The following SGPL1 variants were observed in gnomAD, a reference collection of about 807,000 sequenced individuals.
The protein encoded by SGPL1 is sphingosine-1-phosphate lyase 1.
A neutral mutation model predicts 68.9 loss-of-function variants in SGPL1; 37 were observed. That is an observed-to-expected ratio of 0.54 (90% CI 0.41 to 0.71). The LOEUF (loss-of-function observed/expected upper bound fraction) is 0.71, where lower values mean the gene tolerates loss of function less well. Ranked by LOEUF, SGPL1 falls within the 30% of genes least tolerant of loss-of-function variation. The probability of loss-of-function intolerance (pLI) is 0.00; values close to 1 mark genes in which losing one functional copy is unlikely to be tolerated. For missense variants in SGPL1, 551 were observed against 704.6 expected, an observed-to-expected ratio of 0.78 and a Z score of 2.47; for synonymous variants, 236 against 248.5, an observed-to-expected ratio of 0.95 and a Z score of 0.47.
At chr10:70,831,865 C>G (rs1031883768) in intron 2 of SGPL1, among the ~76,000 whole-genome samples, 1 of 152,132 alleles carries the variant, frequency 6.6e-6, no homozygotes, top group Admixed American at 6.5e-5. Flanking sequence ...CTTCCTTCCT[C>G]CAGAATATGG....
In SGPL1 at chr10:70,877,230, C is replaced by T. The variant is rs1340026620; in HGVS notation, c.1602C>T (p.Asp534=). 3.1e-6 allele frequency: 5 copies of T among 1,614,160 alleles called. No individual in the cohort carries two copies. The highest frequency in any genetic ancestry group is 1.7e-5 in the Admixed American group (1 of 60,022). ...ATGGCATGGCCCAGACAACTGTTGA[C>T]AGGAATATGGTTGCAGAATTGTCCT... ...AIYGMAQTTV[D]RNMVAELSSV... The change falls in exon 15 of 15, where the codon GAC becomes GAT. Residue 534 remains aspartate, a synonymous_variant. Coordinates refer to ENST00000373202, the MANE Select transcript of SGPL1 (RefSeq NM_003901.4).
At chr10:70,817,170 C>G (rs375906263) in intron 2 of SGPL1, among the ~76,000 whole-genome samples, 1 of 152,188 alleles carries the variant, frequency 6.6e-6, no homozygotes, top group African/African-American at 2.4e-5. Flanking sequence ...CAGGCGCACG[C>G]CACCACGCCC....
intron 2 of SGPL1, among the ~76,000 whole-genome samples, chr10:70,823,953 G>A (rs1354280580): frequency 3.9e-5 from 6 of 152,136 alleles, no homozygotes; most frequent in Admixed American, 2.0e-4. Flanking sequence ...TAAATAAAAA[G>A]CAGTTTTGAT....
chr10:70,876,584 G>C lies in SGPL1; in HGVS notation c.1489G>C (p.Ala497Pro). The stretch of plus-strand genomic sequence containing the variant: ...ATTACTACACGCCCGGAAACGAGTA[G>C]CTATACAATTCCTAAAGGACATTCG... ...ITLLHARKRV[A>P]IQFLKDIRES... The change falls in exon 14 of 15, where the codon GCT becomes CCT. Residue 497 changes from alanine to proline, a missense_variant. By Grantham distance (27) the Ala-to-Pro change is conservative. Transcript: ENST00000373202. 1 of 1,612,638 alleles carries C rather than the reference G, an allele frequency of 6.2e-7. No individual in the cohort carries two copies. Among genetic ancestry groups the C allele is most frequent in the Non-Finnish European group, 8.5e-7 (1 of 1,178,720 alleles).
At chr10:70,863,289 C>CTTT (rs35676112) in intron 7 of SGPL1, among the ~76,000 whole-genome samples, 2 of 118,760 alleles carry the variant, frequency 1.7e-5, no homozygotes, top group Non-Finnish European at 3.4e-5. Context: ...GCTTGGCCGT[C>CTTT]TTTTTTTTTT....
rs142704440 is a variant in SGPL1, at chr10:70,870,381, C to T, written c.810+484C>T. Among the ~76,000 whole-genome samples the T allele has an allele frequency of 7.8e-3, 1,192 of 152,134 alleles. 7 individuals are homozygous for T. The highest frequency in any genetic ancestry group is 0.013 in the Non-Finnish European group (882 of 67,994). Reference sequence around the variant, plus strand: ...AAGTAGCTGGACATGGTGGCATGCACCTGTAGTCCTAGCTACTCGGGAGGC... The same window carrying T: ...AAGTAGCTGGACATGGTGGCATGCATCTGTAGTCCTAGCTACTCGGGAGGC... On this transcript the variant is annotated intron_variant, in intron 9 of 14. Coordinates refer to ENST00000373202, the MANE Select transcript of SGPL1 (RefSeq NM_003901.4).
At chr10:70,862,261 A>G (rs1846079611) in intron 7 of SGPL1, among the ~76,000 whole-genome samples, 1 of 152,028 alleles carries the variant, frequency 6.6e-6, no homozygotes, top group Non-Finnish European at 1.5e-5. Flanking sequence ...TTCTGAGTGC[A>G]CCAATCGACA....
At chr10:70,840,455 G>GGATA (rs1845697146) in intron 2 of SGPL1, among the ~76,000 whole-genome samples, 1 of 152,096 alleles carries the variant, frequency 6.6e-6, no homozygotes, top group Non-Finnish European at 1.5e-5. Flanking sequence ...CAAGGAGATA[G>GGATA]GATACCTTAT....
Position 70,863,023 on chromosome 10 carries a change from TG to T in SGPL1, c.615+3525del, listed in dbSNP as rs1352499267. On this transcript the variant is annotated intron_variant, in intron 7 of 14. Transcript: ENST00000373202. ...TTTTTGAGACAGGGTGTCACTCTGT[TG>T]CTCAGGCCAGAGTGTAGTGGTGCCA... 2.6e-5 allele frequency among the ~76,000 whole-genome samples: 4 copies of T among 152,296 alleles called. No homozygotes were observed. The East Asian group carries it at 7.7e-4, about 29-fold the overall frequency.
chr10:70,845,949 AG>A (rs1282955778), intron 3 of SGPL1, among the ~76,000 whole-genome samples: 6 of 152,232 alleles, frequency 3.9e-5, no homozygotes, highest in Admixed American at 2.0e-4. Flanking sequence ...CTCTTGTTCA[AG>A]GAAAGTCAAT....
chr10:70,875,611 A>T, intron 13 of SGPL1, 63 bp downstream of exon 13: 1 of 1,357,934 alleles, frequency 7.4e-7, no homozygotes, highest in Non-Finnish European at 1.0e-6. Flanking sequence ...CTTGGGTGGT[A>T]CAGTAACCTG....
chr10:70,865,932 T>TA (rs1201409560), intron 7 of SGPL1, among the ~76,000 whole-genome samples: 2 of 152,242 alleles, frequency 1.3e-5, no homozygotes, highest in African/African-American at 2.4e-5. Context: ...TGAGAGTTTT[T>TA]ATACATGTTG....
At position 70,879,569 on chromosome 10, in the gene SGPL1, C is replaced by T. The variant is rs1248720953; in HGVS notation, c.*2234C>T. The T allele has an allele frequency of 6.6e-6, 1 of 152,378 alleles. No individual in the cohort carries two copies. The highest frequency in any genetic ancestry group is 1.9e-4 in the East Asian group (1 of 5,196). The allele number at this position is 152,378 out of a possible 1,614,324, so 9.4% of individuals were successfully genotyped here. A position where few individuals can be genotyped will look rare whatever the true frequency, so the allele number is the denominator to read the frequency against. On this transcript the variant is annotated 3_prime_UTR_variant, in exon 15 of 15. Coordinates refer to ENST00000373202, the MANE Select transcript of SGPL1 (RefSeq NM_003901.4). ...ATGAGGTCCAGGAACCCAGAGCCACCCAGCAGACACCACTGTGGCTTGCCA... is the reference window on the plus strand; with the variant it reads ...ATGAGGTCCAGGAACCCAGAGCCACTCAGCAGACACCACTGTGGCTTGCCA...
intron 5 of SGPL1, among the ~76,000 whole-genome samples, chr10:70,855,826 T>C (rs1043796877): frequency 3.3e-5 from 5 of 152,214 alleles, no homozygotes; most frequent in African/African-American, 1.2e-4. Flanking sequence ...CCATGGTACG[T>C]TTATCAAAAC....
At chr10:70,876,982 C>A (rs1846401102) in intron 14 of SGPL1, among the ~76,000 whole-genome samples, 1 of 152,122 alleles carries the variant, frequency 6.6e-6, no homozygotes, top group Non-Finnish European at 1.5e-5. Flanking sequence ...TAGGCTAGTC[C>A]CTTTATGCAG....
chr10:70,857,215 A>G (rs2131908368), intron 5 of SGPL1: 1 of 205,056 alleles, frequency 4.9e-6, no homozygotes. Context: ...CAAAATTCCT[A>G]GGACTGGATA....
intron 8 of SGPL1, among the ~76,000 whole-genome samples, chr10:70,868,909 G>T (rs1368173373): frequency 1.3e-5 from 2 of 152,132 alleles, no homozygotes; most frequent in Non-Finnish European, 2.9e-5. Flanking sequence ...ATCTTTTTGA[G>T]ATTTACCCAC....
intron 5 of SGPL1, chr10:70,857,286 C>A: frequency 6.4e-6 from 2 of 312,646 alleles, no homozygotes; most frequent in Non-Finnish European, 1.2e-5. Context: ...ATATAGAGAA[C>A]AAAAAATAAG....
rs1446446826 is a variant in SGPL1, at chr10:70,873,440, G to A, written c.1149G>A (p.Gln383=). ...AGTTCTTCGTCGATACAGATTGGCA[G>A]GGTGGCATCTATGCTTCCCCAACCA... ...NYQFFVDTDW[Q]GGIYASPTIA... is the part of the protein sequence containing the mutation. The change falls in exon 12 of 15, where the codon CAG becomes CAA. Residue 383 remains glutamine, a synonymous_variant. Coordinates refer to ENST00000373202, the MANE Select transcript of SGPL1 (RefSeq NM_003901.4). The A allele has an allele frequency of 5.6e-6, 9 of 1,614,146 alleles. No homozygotes were observed. Among genetic ancestry groups the A allele is most frequent in the Non-Finnish European group, 7.6e-6 (9 of 1,180,046 alleles).
Sources: gnomAD v4.1 joint callset for allele counts (sites outside exome capture counted in the v4.1 genomes callset) on GRCh38, gnomAD v4.1.1 for gene constraint, MANE v1.5 for transcripts, NCBI Gene and HGNC (gene_info 2026-07-23, HGNC 2026-07-21) for gene names.